Variants in TENM2 observed in about 807,000 individuals in gnomAD.
TENM2 encodes the protein teneurin transmembrane protein 2, also known as teneurin-2.
A neutral mutation model predicts 245.2 loss-of-function variants in TENM2; 52 were observed. The ratio of observed to expected loss-of-function variants is 0.21; its 90% CI spans 0.17 to 0.27. TENM2 has a LOEUF of 0.27. TENM2 is among the 10% of genes least tolerant of loss of function. TENM2 has a pLI of 1.00. For synonymous variants in TENM2, 1,363 were observed against 1,438.9 expected (o/e 0.95, Z 1.19); for missense variants, 3,046 against 3,666.8 (o/e 0.83, Z 4.37).
intron 2 of TENM2, among the ~76,000 whole-genome samples, chr5:167,757,664 C>T (rs1225016792): frequency 6.6e-6 from 1 of 152,076 alleles, no homozygotes; most frequent in African/African-American, 2.4e-5. Flanking sequence ...GAGAAATCAC[C>T]ACACTGTCTT....
chr5:168,106,400 C>T (rs1270313016), intron 9 of TENM2, among the ~76,000 whole-genome samples: 3 of 152,174 alleles, frequency 2.0e-5, no homozygotes, highest in African/African-American at 4.8e-5. Flanking sequence ...TTACTATATA[C>T]GCCAACCACC....
chr5:167,261,783 G>A, the TENM2 span, among the ~76,000 whole-genome samples: 2 of 152,172 alleles, frequency 1.3e-5, no homozygotes, highest in African/African-American at 4.8e-5. Flanking sequence ...AGTCTGTGCT[G>A]AATATATCCT....
At chr5:167,356,217 A>AAAAAATT (rs1759321624) in intron 1 of TENM2, among the ~76,000 whole-genome samples, 4 of 129,172 alleles carry the variant, frequency 3.1e-5, no homozygotes, top group African/African-American at 1.3e-4. Flanking sequence ...AAAAAAAAAA[A>AAAAAATT]AAAATTAAAA....
At chr5:167,687,308 A>G (rs1757138104) in intron 2 of TENM2, among the ~76,000 whole-genome samples, 1 of 152,154 alleles carries the variant, frequency 6.6e-6, no homozygotes, top group South Asian at 2.1e-4. Flanking sequence ...ATTCAGTGTA[A>G]TTGTCAATAT....
intron 2 of TENM2, among the ~76,000 whole-genome samples, chr5:167,834,294 C>T (rs1768772629): frequency 6.6e-6 from 1 of 152,144 alleles, no homozygotes. Flanking sequence ...GATCTTACTA[C>T]AAAAAGTAGG....
chr5:167,799,262 C>G (rs1432949900), intron 2 of TENM2, among the ~76,000 whole-genome samples: 1 of 152,098 alleles, frequency 6.6e-6, no homozygotes, highest in Admixed American at 6.5e-5. Context: ...TTTAAATGAA[C>G]AATAATGTGC....
At chr5:167,173,563 C>G in the TENM2 span, among the ~76,000 whole-genome samples, 1 of 152,082 alleles carries the variant, frequency 6.6e-6, no homozygotes, top group African/African-American at 2.4e-5. Flanking sequence ...TGACCAGGAG[C>G]ATGTTGGAAC....
intron 2 of TENM2, among the ~76,000 whole-genome samples, chr5:167,402,755 A>G (rs2127388526): frequency 6.6e-6 from 1 of 152,228 alleles, no homozygotes; most frequent in East Asian, 1.9e-4. Context: ...ATTCTCCTAT[A>G]GAAGGGATTT....
At chr5:167,872,930 C>CTT (rs1425648503) in intron 2 of TENM2, among the ~76,000 whole-genome samples, 1 of 152,258 alleles carries the variant, frequency 6.6e-6, no homozygotes, top group Non-Finnish European at 1.5e-5. Context: ...TGCACTTGAA[C>CTT]TTCAGTTCCA....
the TENM2 span, among the ~76,000 whole-genome samples, chr5:167,269,536 T>TACAC: frequency 0.54 from 81,523 of 150,564 alleles, 23,016 homozygotes; most frequent in Middle Eastern, 0.73. Flanking sequence ...AAATAGTGAC[T>TACAC]ACACACACAC....
At chr5:168,059,148 A>G (rs1387925461) in intron 6 of TENM2, among the ~76,000 whole-genome samples, 3 of 152,152 alleles carry the variant, frequency 2.0e-5, no homozygotes, top group Non-Finnish European at 4.4e-5. Flanking sequence ...GTGGGAGCTA[A>G]TTTAGTCAGT....
intron 2 of TENM2, among the ~76,000 whole-genome samples, chr5:167,799,296 G>A (rs951176515): frequency 2.0e-5 from 3 of 152,186 alleles, no homozygotes; most frequent in Admixed American, 2.0e-4. Context: ...AAATCGCATG[G>A]TGAAGAAGTT....
At chr5:167,962,885 T>A (rs1255743309) in intron 4 of TENM2, among the ~76,000 whole-genome samples, 1 of 152,142 alleles carries the variant, frequency 6.6e-6, no homozygotes, top group African/African-American at 2.4e-5. Context: ...GAGATTTGGG[T>A]AGGGACACAA....
intron 3 of TENM2, among the ~76,000 whole-genome samples, chr5:167,940,952 A>G (rs1779127561): frequency 6.6e-6 from 1 of 152,136 alleles, no homozygotes; most frequent in Admixed American, 6.5e-5. Context: ...AATGGAAATT[A>G]TTTTCTCCGC....
intron 2 of TENM2, among the ~76,000 whole-genome samples, chr5:167,622,584 A>T (rs868540042): frequency 1.3e-5 from 2 of 152,144 alleles, no homozygotes; most frequent in African/African-American, 2.4e-5. Context: ...TATAGAGCAG[A>T]GGAAAAGAAT....
intron 7 of TENM2, among the ~76,000 whole-genome samples, chr5:168,079,782 A>G (rs572756340): frequency 6.6e-6 from 1 of 152,358 alleles, no homozygotes; most frequent in Admixed American, 6.5e-5. Flanking sequence ...GATGAAGCCC[A>G]CTTGATCATA....
At chr5:167,949,791 A>G (rs1172634386) in intron 3 of TENM2, among the ~76,000 whole-genome samples, 1 of 152,142 alleles carries the variant, frequency 6.6e-6, no homozygotes, top group Non-Finnish European at 1.5e-5. Context: ...CTCTGTATAT[A>G]TCCCAGGGGT....
chr5:168,048,807 C>T (rs1788838226), intron 6 of TENM2, among the ~76,000 whole-genome samples: 1 of 152,142 alleles, frequency 6.6e-6, no homozygotes, highest in Admixed American at 6.5e-5. Flanking sequence ...CTTTAAGAAT[C>T]GCTGTACTCA....
intron 2 of TENM2, among the ~76,000 whole-genome samples, chr5:167,637,079 C>A (rs1779249885): frequency 6.6e-6 from 1 of 152,132 alleles, no homozygotes; most frequent in Non-Finnish European, 1.5e-5. Flanking sequence ...GAAACAAAAT[C>A]ATCTATGATT....
Sources: gnomAD v4.1 joint callset for allele counts (sites outside exome capture counted in the v4.1 genomes callset) on GRCh38, gnomAD v4.1.1 for gene constraint, MANE v1.5 for transcripts, NCBI Gene and HGNC (gene_info 2026-07-23, HGNC 2026-07-21) for gene names.